The following TPD52L2 variants were observed in gnomAD, a reference collection of about 807,000 sequenced individuals.
TPD52L2 encodes the protein TPD52 like 2.
Under a neutral mutation model 24.7 loss-of-function variants are expected in TPD52L2, and 19 were observed. The ratio of observed to expected loss-of-function variants is 0.77; its 90% CI spans 0.54 to 1.13. The LOEUF is 1.13. Among genes scored for constraint, TPD52L2 ranks in the 50% most tolerant of loss-of-function variants. TPD52L2 has a pLI of 0.00. For synonymous variants in TPD52L2, 104 were observed against 100.2 expected (o/e 1.04, Z -0.23); for missense variants, 236 against 250.4 (o/e 0.94, Z 0.39).
At chr20:63,873,093 C>T (rs921369462) in intron 2 of TPD52L2, among the ~76,000 whole-genome samples, 1 of 152,010 alleles carries the variant, frequency 6.6e-6, no homozygotes, top group Non-Finnish European at 1.5e-5. Context: ...GGCCATTCCT[C>T]ATGACCACAA....
chr20:63,873,630 G>A, intron 2 of TPD52L2, 38 bp from the exon 3 acceptor site: 1 of 1,606,920 alleles, frequency 6.2e-7, no homozygotes, highest in Non-Finnish European at 8.5e-7. Context: ...ACTTCCTGCA[G>A]TAGTGATGGC....
chr20:63,872,633 C>T (rs1293390571), intron 2 of TPD52L2, among the ~76,000 whole-genome samples: 3 of 152,126 alleles, frequency 2.0e-5, no homozygotes, highest in Non-Finnish European at 2.9e-5. Context: ...CTGCCTTGGC[C>T]TCACAAAGTG....
chr20:63,887,644 G>T (rs770674052), intron 5 of TPD52L2: 2 of 1,604,962 alleles, frequency 1.2e-6, no homozygotes. Flanking sequence ...AGAGCCGGGT[G>T]TCTCTGGTGG....
chr20:63,869,108 A>G (rs2052366507), intron 1 of TPD52L2, among the ~76,000 whole-genome samples, 188 bp from the exon 2 acceptor site: 2 of 152,174 alleles, frequency 1.3e-5, no homozygotes, highest in South Asian at 4.1e-4. Flanking sequence ...TTTTCAGCTC[A>G]GGTGGTCTGA....
At chr20:63,867,993 G>A (rs2052322580) in intron 1 of TPD52L2, among the ~76,000 whole-genome samples, 1 of 150,454 alleles carries the variant, frequency 6.6e-6, no homozygotes, top group Admixed American at 6.6e-5. Context: ...GTGGCTCAAC[G>A]CCTGTAATCT....
chr20:63,866,590 T>G (rs2052246255), intron 1 of TPD52L2, among the ~76,000 whole-genome samples: 1 of 151,836 alleles, frequency 6.6e-6, no homozygotes, highest in Non-Finnish European at 1.5e-5. Flanking sequence ...GCCTCCCAAC[T>G]AGCTGGGACT....
chr20:63,878,825 G>A (rs1462043078), intron 4 of TPD52L2, among the ~76,000 whole-genome samples: 1 of 152,244 alleles, frequency 6.6e-6, no homozygotes, highest in Non-Finnish European at 1.5e-5. Context: ...GCTGGCTGGG[G>A]TTGCCCGGCC....
At chr20:63,886,925 G>A (rs1217322977) in intron 5 of TPD52L2, 1 of 158,378 alleles carries the variant, frequency 6.3e-6, no homozygotes, top group Non-Finnish European at 1.4e-5. Flanking sequence ...TTACAGGCGT[G>A]AGCCACTGCG....
At chr20:63,869,013 T>C (rs1305129513) in intron 1 of TPD52L2, among the ~76,000 whole-genome samples, 2 of 152,198 alleles carry the variant, frequency 1.3e-5, no homozygotes, top group Admixed American at 6.5e-5. Context: ...CTGACGATAG[T>C]ATTCTCACTG....
At chr20:63,887,514 T>C in intron 5 of TPD52L2, 3 of 1,605,186 alleles carry the variant, frequency 1.9e-6, no homozygotes, top group Non-Finnish European at 2.6e-6. Flanking sequence ...TGTGTGGATC[T>C]TGGTGTTAAC....
intron 4 of TPD52L2, among the ~76,000 whole-genome samples, chr20:63,878,493 A>C (rs780077063): frequency 6.6e-6 from 1 of 152,176 alleles, no homozygotes; most frequent in African/African-American, 2.4e-5. Context: ...GGTAGCATCA[A>C]CCAAACAGGG....
At chr20:63,886,563 G>GTGTTAGCCAGGA (rs1230344059) in intron 5 of TPD52L2, among the ~76,000 whole-genome samples, 45 of 151,674 alleles carry the variant, frequency 3.0e-4, no homozygotes, top group East Asian at 1.2e-3. Flanking sequence ...GGGTTTCACC[G>GTGTTAGCCAGGA]TGGTCTCGAT....
intron 6 of TPD52L2, 139 bp downstream of exon 6, chr20:63,889,377 CA>C: frequency 1.2e-6 from 1 of 805,542 alleles, no homozygotes; most frequent in Non-Finnish European, 2.1e-6. Flanking sequence ...GTGCCTTTTA[CA>C]CAGTTCTCTC....
At chr20:63,879,239 C>T (rs976916053) in intron 4 of TPD52L2, among the ~76,000 whole-genome samples, 10 of 152,166 alleles carry the variant, frequency 6.6e-5, no homozygotes, top group Non-Finnish European at 1.3e-4. Context: ...AGAGGAGGTT[C>T]CCTTGTGACC....
At chr20:63,874,384 A>G (rs916921006) in intron 3 of TPD52L2, among the ~76,000 whole-genome samples, 1 of 115,692 alleles carries the variant, frequency 8.6e-6, no homozygotes, top group Non-Finnish European at 1.8e-5. Context: ...TTTTATTATT[A>G]TTCTTTTTTG....
chr20:63,878,897 C>T (rs1239072247), intron 4 of TPD52L2, among the ~76,000 whole-genome samples: 2 of 152,216 alleles, frequency 1.3e-5, no homozygotes, highest in African/African-American at 2.4e-5. Context: ...TGACCCCTGC[C>T]CCTTCCTCCC....
intron 5 of TPD52L2, among the ~76,000 whole-genome samples, chr20:63,884,917 A>G (rs929127225): frequency 1.3e-5 from 2 of 151,948 alleles, no homozygotes; most frequent in Non-Finnish European, 2.9e-5. Context: ...TTGCTCCTCC[A>G]TTTATGTTTG....
At chr20:63,886,105 C>T (rs1032435343) in intron 5 of TPD52L2, 25 of 1,547,312 alleles carry the variant, frequency 1.6e-5, no homozygotes, top group African/African-American at 4.1e-5. Flanking sequence ...GGGTGGACTC[C>T]GGCAGGGCCC....
intron 6 of TPD52L2, 115 bp from the exon 7 acceptor site, chr20:63,889,735 G>A: frequency 1.0e-6 from 1 of 983,662 alleles, no homozygotes; most frequent in Non-Finnish European, 1.5e-6. Context: ...TGTCCCTGCT[G>A]AGCAGTGTTC....
Sources: gnomAD v4.1 joint callset for allele counts (sites outside exome capture counted in the v4.1 genomes callset) on GRCh38, gnomAD v4.1.1 for gene constraint, MANE v1.5 for transcripts, NCBI Gene and HGNC (gene_info 2026-07-23, HGNC 2026-07-21) for gene names.